Variants in MYOF observed in about 807,000 individuals in gnomAD.
The protein encoded by MYOF is fer-1-like 3, myoferlin.
A neutral mutation model predicts 284.2 loss-of-function variants in MYOF; 244 were observed. The observed-to-expected ratio is 0.86, with a 90% CI of 0.77 to 0.95. The LOEUF (loss-of-function observed/expected upper bound fraction) is 0.95, where lower values mean the gene tolerates loss of function less well. MYOF is among the 40% of genes least tolerant of loss of function. The pLI is 0.00. For missense variants in MYOF, 2,496 were observed against 2,560.6 expected (o/e 0.97, Z 0.54); for synonymous variants, 904 against 919.7 (o/e 0.98, Z 0.31).
chr10:93,450,506 G>A (rs938239582), intron 3 of MYOF, among the ~76,000 whole-genome samples: 18 of 151,506 alleles, frequency 1.2e-4, no homozygotes, highest in African/African-American at 4.4e-4. Context: ...CTAAGGAGGC[G>A]GAGGTTGCGG....
rs1242825901 is a variant in MYOF, at chr10:93,431,395, A to G, written c.345+13T>C. Reference sequence around the variant, plus strand: ...TCACTTCAAAGCCATTCAATAAGAGAGAAAACACTCACCCCAGTATCTTGC... The same window carrying G: ...TCACTTCAAAGCCATTCAATAAGAGGGAAAACACTCACCCCAGTATCTTGC... On this transcript the variant is annotated intron_variant, in intron 4 of 53. Transcript: ENST00000359263. The G allele has an allele frequency of 1.9e-6, 3 of 1,610,444 alleles. No homozygotes were observed.
At chr10:93,331,246 A>G (rs1334328989) in intron 43 of MYOF, among the ~76,000 whole-genome samples, 3 of 152,152 alleles carry the variant, frequency 2.0e-5, no homozygotes, top group Admixed American at 6.5e-5. Context: ...AGAGTCCCCA[A>G]GAGTCTCTGC....
At chr10:93,437,097 C>G (rs1849159259) in intron 3 of MYOF, among the ~76,000 whole-genome samples, 1 of 152,078 alleles carries the variant, frequency 6.6e-6, no homozygotes, top group Non-Finnish European at 1.5e-5. Flanking sequence ...TTTCAGCCCA[C>G]GAATGTCATA....
At chr10:93,419,172 A>AT (rs571210981) in intron 5 of MYOF, among the ~76,000 whole-genome samples, 134 of 151,466 alleles carry the variant, frequency 8.8e-4, no homozygotes, top group African/African-American at 3.1e-3. Flanking sequence ...TCTTCTTTTT[A>AT]TTTTTTTTGA....
intron 4 of MYOF, among the ~76,000 whole-genome samples, chr10:93,430,596 A>G (rs1185714338): frequency 1.3e-5 from 2 of 151,912 alleles, no homozygotes; most frequent in African/African-American, 4.8e-5. Context: ...AAAAAAAAAA[A>G]AAAAGATTAT....
At chr10:93,404,358 C>A (rs1450302865) in intron 7 of MYOF, 139 bp from the exon 8 acceptor site, 10 of 809,060 alleles carry the variant, frequency 1.2e-5, no homozygotes, top group Non-Finnish European at 2.0e-5. Context: ...GAACACATGG[C>A]AAGGCCTGGA....
At chr10:93,392,490 G>C (rs1439392470) in intron 17 of MYOF, among the ~76,000 whole-genome samples, 2 of 152,194 alleles carry the variant, frequency 1.3e-5, no homozygotes, top group Admixed American at 1.3e-4. Context: ...GGGAGGTGAA[G>C]ATCTTCAGGG....
intron 5 of MYOF, among the ~76,000 whole-genome samples, chr10:93,424,806 G>A (rs1848507866): frequency 6.6e-6 from 1 of 152,024 alleles, no homozygotes; most frequent in African/African-American, 2.4e-5. Context: ...TGCTGCAGGT[G>A]TAAAGTGAAC....
At chr10:93,445,177 G>A (rs953640732) in intron 3 of MYOF, among the ~76,000 whole-genome samples, 1 of 152,162 alleles carries the variant, frequency 6.6e-6, no homozygotes, top group African/African-American at 2.4e-5. Context: ...TTTACTATAG[G>A]TAGTCAGAGG....
At chr10:93,369,435 T>TA (rs1845486288) in intron 25 of MYOF, among the ~76,000 whole-genome samples, 2 of 152,180 alleles carry the variant, frequency 1.3e-5, no homozygotes, top group Non-Finnish European at 2.9e-5. Flanking sequence ...ACAAAAGTGT[T>TA]AATCACCATG....
At chr10:93,404,480 C>T (rs930487317) in intron 7 of MYOF, among the ~76,000 whole-genome samples, 2 of 152,002 alleles carry the variant, frequency 1.3e-5, no homozygotes, top group African/African-American at 4.8e-5. Flanking sequence ...AAATTGTTCA[C>T]CTGGGGCTAG....
At chr10:93,326,247 G>C (rs779604477) in intron 45 of MYOF, among the ~76,000 whole-genome samples, 1 of 152,210 alleles carries the variant, frequency 6.6e-6, no homozygotes, top group Non-Finnish European at 1.5e-5. Flanking sequence ...TCTGTGGCAC[G>C]AGCTCATGGC....
chr10:93,373,066 T>G lies in MYOF; in HGVS notation c.2321A>C (p.Asp774Ala). 6.2e-7 allele frequency: 1 copy of G among 1,614,196 alleles called. No homozygotes were observed. Among genetic ancestry groups the G allele is most frequent in the East Asian group, 2.2e-5 (1 of 44,884 alleles). Residue 774 changes from aspartate (D) to alanine (A), a missense_variant, in exon 24 of 54, where the codon GAC becomes GCC. Transcript: ENST00000359263. ...TCCCCGGATCATCCAGATGATGATG[T>G]CAGGCATGCTGTTCTGTGGCTGGTC... ...LTEEPQNSMP[D>A]IIIWMIRGEK... is the part of the protein sequence containing the mutation.
chr10:93,476,917 G>T (rs974388663), intron 1 of MYOF, among the ~76,000 whole-genome samples: 4 of 152,176 alleles, frequency 2.6e-5, no homozygotes, highest in African/African-American at 7.2e-5. Flanking sequence ...ACAAGGAAAA[G>T]ATTTACACAA....
chr10:93,474,181 G>A (rs2057210028), intron 1 of MYOF, among the ~76,000 whole-genome samples: 4 of 152,140 alleles, frequency 2.6e-5, no homozygotes, highest in Admixed American at 2.6e-4. Context: ...GTCCTGGGAT[G>A]AGCTCCATCT....
intron 44 of MYOF, among the ~76,000 whole-genome samples, chr10:93,329,180 T>C (rs1843189532): frequency 6.6e-6 from 1 of 152,222 alleles, no homozygotes; most frequent in Non-Finnish European, 1.5e-5. Flanking sequence ...GAGATCACTC[T>C]AGTCATAATA....
intron 1 of MYOF, among the ~76,000 whole-genome samples, chr10:93,474,041 T>G (rs1479254174): frequency 6.6e-6 from 1 of 152,150 alleles, no homozygotes. Context: ...CAGTCTGATG[T>G]TCCATTTCAC....
chr10:93,326,094 T>C, intron 45 of MYOF, 129 bp from the exon 46 acceptor site: 1 of 1,202,028 alleles, frequency 8.3e-7, no homozygotes, highest in Non-Finnish European at 1.2e-6. Context: ...ACATGCAAAC[T>C]TTGACTTGTG....
At chr10:93,333,089 C>T (rs1843409286) in intron 43 of MYOF, 132 bp downstream of exon 43, 5 of 743,432 alleles carry the variant, frequency 6.7e-6, no homozygotes, top group Non-Finnish European at 9.3e-6. Context: ...TACCTGCTCC[C>T]CTGTCTAGAA....
Sources: gnomAD v4.1 joint callset for allele counts (sites outside exome capture counted in the v4.1 genomes callset) on GRCh38, gnomAD v4.1.1 for gene constraint, MANE v1.5 for transcripts, NCBI Gene and HGNC (gene_info 2026-07-23, HGNC 2026-07-21) for gene names.